Variants in FCRL4 observed in about 807,000 individuals in gnomAD.
FCRL4 encodes the protein Fc receptor like 4.
Under a neutral mutation model 64.1 loss-of-function variants are expected in FCRL4, and 43 were observed. The ratio of observed to expected loss-of-function variants is 0.67; its 90% CI spans 0.53 to 0.87. The LOEUF (loss-of-function observed/expected upper bound fraction) is 0.87. Among genes scored for constraint, FCRL4 ranks in the 40% least tolerant of loss-of-function variants. FCRL4 has a pLI of 0.00. For synonymous variants in FCRL4, 253 were observed against 239.8 expected (o/e 1.05, Z -0.51); for missense variants, 656 against 613.5 (o/e 1.07, Z -0.73).
At chr1:157,579,193 C>A (rs1034480725) in intron 8 of FCRL4, among the ~76,000 whole-genome samples, 4 of 151,928 alleles carry the variant, frequency 2.6e-5, no homozygotes, top group South Asian at 2.1e-4. Flanking sequence ...CATAGTGAGA[C>A]CTTGTCTCTA....
At chr1:157,596,378 C>T (rs1332297660) in intron 1 of FCRL4, 30 bp from the exon 2 acceptor site, 25 of 1,613,576 alleles carry the variant, frequency 1.5e-5, no homozygotes, top group Admixed American at 5.0e-5. Context: ...CAGCCATCAG[C>T]GTAGGCGAAG....
At chr1:157,596,413 G>A (rs958337337) in intron 1 of FCRL4, 65 bp from the exon 2 acceptor site, 5 of 1,563,286 alleles carry the variant, frequency 3.2e-6, no homozygotes, top group East Asian at 2.2e-5. Context: ...CACCCTGAGA[G>A]CCCATACACT....
chr1:157,595,258 A>G (rs1652934824), intron 2 of FCRL4, among the ~76,000 whole-genome samples: 1 of 152,196 alleles, frequency 6.6e-6, no homozygotes, highest in Non-Finnish European at 1.5e-5. Flanking sequence ...AGAATACTCT[A>G]TGTCATCAGT....
Position 157,586,238 on chromosome 1 carries a change from C to G in FCRL4, c.1065G>C (p.Gly355=), listed in dbSNP as rs1387826370. Residue 355 remains glycine, a synonymous_variant, in exon 6 of 12, where the codon GGG becomes GGC. Transcript: ENST00000271532. Reference sequence around the variant, plus strand: ...TGTTGTCTGCTGTACAGTAGTATCCCCCTGCATGGCTCTGTCTGATGGCAG... The same window carrying G: ...TGTTGTCTGCTGTACAGTAGTATCCGCCTGCATGGCTCTGTCTGATGGCAG... ...ELPAIRQSHA[G]GYYCTADNSY... 1.9e-6 allele frequency: 3 copies of G among 1,614,044 alleles called. No homozygotes were observed. The African/African-American group carries it at 4.0e-5, about 22-fold the overall frequency.
chr1:157,587,449 A>G lies in FCRL4; in HGVS notation c.674T>C (p.Leu225Pro). 1 of 1,614,236 alleles carries G rather than the reference A, an allele frequency of 6.2e-7. No individual in the cohort carries two copies. The highest frequency in any genetic ancestry group is 8.5e-7 in the Non-Finnish European group (1 of 1,180,038). The change falls in exon 5 of 12, where the codon CTT becomes CCT. Residue 225 changes from leucine (L) to proline (P), a missense_variant. Transcript: ENST00000271532. ...GCCATCTCTGAAGAAGTTGAAGTGAAGTGGGGTGTCTGACCGCTCTGGAGG... is the reference window on the plus strand; with the variant it reads ...GCCATCTCTGAAGAAGTTGAAGTGAGGTGGGGTGTCTGACCGCTCTGGAGG... Reference protein sequence around the residue: ...QLPPERSDTPLHFNFFRDGEV... With the variant: ...QLPPERSDTPPHFNFFRDGEV...
chr1:157,584,953 C>T (rs2101679919), intron 6 of FCRL4, among the ~76,000 whole-genome samples: 1 of 152,202 alleles, frequency 6.6e-6, no homozygotes, highest in African/African-American at 2.4e-5. Context: ...GGTTATGTCC[C>T]AGAAATTGAG....
At chr1:157,594,099 T>G (rs1652903043) in intron 2 of FCRL4, among the ~76,000 whole-genome samples, 1 of 152,188 alleles carries the variant, frequency 6.6e-6, no homozygotes, top group African/African-American at 2.4e-5. Flanking sequence ...CAAGACCTAT[T>G]AACGATTATG....
Position 157,597,914 on chromosome 1 carries a change from CA to C in FCRL4, c.30del (p.Phe10LeufsTer15), listed in dbSNP as rs1383578055. On this transcript the variant is annotated frameshift_variant and splice_region_variant, in exon 1 of 12. Transcript: ENST00000271532. LOFTEE classifies it high-confidence loss of function. Reference protein sequence around the residue: MLLWASLLAFAPVCGQSAAA... With the variant: MLLWASLLAXAPVCGQSAAA... ...CAAAGGTCTCCTCCCCATCACTTAC[CA>C]AAGGCCAGCAAGGACGCCCACAGCA... The C allele has an allele frequency of 6.2e-7, 1 of 1,613,074 alleles. No homozygotes were observed. The highest frequency in any genetic ancestry group is 1.3e-5 in the African/African-American group (1 of 74,896).
rs1411132693 is a variant in FCRL4, at chr1:157,586,327, C to T, written c.976G>A (p.Glu326Lys). ...CTCCCCAGACTCTCCTGCATGTCCT[C>T]TCGGTGCCAGGAGAATGTGGTATCC... ...TGDTTFSWHR[E>K]DMQESLGRKT... Residue 326 changes from glutamate to lysine, a missense_variant, in exon 6 of 12, where the codon GAG becomes AAG. By Grantham distance (56) the Glu-to-Lys change is moderately conservative. Coordinates refer to ENST00000271532, the MANE Select transcript of FCRL4 (RefSeq NM_031282.3). 6.2e-7 allele frequency: 1 copy of T among 1,613,952 alleles called. No individual in the cohort carries two copies. Among genetic ancestry groups the T allele is most frequent in the East Asian group, 2.2e-5 (1 of 44,876 alleles).
In FCRL4 at chr1:157,574,326, C is replaced by A. The variant is rs1481914134; in HGVS notation, c.*1198G>T. On this transcript the variant is annotated 3_prime_UTR_variant, in exon 12 of 12. Coordinates refer to ENST00000271532, the MANE Select transcript of FCRL4 (RefSeq NM_031282.3). Reference sequence around the variant, plus strand: ...GTTATTTAAACAAATTCCTTTTCTCCATGCATTTTCTATAAAACAAGTATT... The same window carrying A: ...GTTATTTAAACAAATTCCTTTTCTCAATGCATTTTCTATAAAACAAGTATT... 1 of 213,662 alleles carries A rather than the reference C, an allele frequency of 4.7e-6. No homozygotes were observed. The highest frequency in any genetic ancestry group is 9.5e-6 in the Non-Finnish European group (1 of 105,772). The allele number at this position is 213,662 out of a possible 1,614,324, so 13.2% of individuals were successfully genotyped here. A position where few individuals can be genotyped will look rare whatever the true frequency, so the allele number is the denominator to read the frequency against.
chr1:157,593,576 T>A (rs1175405586), intron 2 of FCRL4, among the ~76,000 whole-genome samples: 3 of 152,186 alleles, frequency 2.0e-5, no homozygotes, highest in African/African-American at 7.2e-5. Context: ...ATGGGCTGTA[T>A]CTAATTGGCT....
chr1:157,596,631 G>A (rs1032903292), intron 1 of FCRL4, among the ~76,000 whole-genome samples: 2 of 152,182 alleles, frequency 1.3e-5, no homozygotes, highest in Non-Finnish European at 2.9e-5. Flanking sequence ...CGACCTCATA[G>A]TAATACTGTA....
intron 2 of FCRL4, among the ~76,000 whole-genome samples, chr1:157,591,181 G>A (rs1652832545): frequency 6.6e-6 from 1 of 152,194 alleles, no homozygotes; most frequent in Admixed American, 6.5e-5. Context: ...GATAGGGTCT[G>A]TTCAGGTGTG....
intron 2 of FCRL4, among the ~76,000 whole-genome samples, chr1:157,589,726 A>G (rs1652794847): frequency 6.6e-6 from 1 of 152,208 alleles, no homozygotes; most frequent in Non-Finnish European, 1.5e-5. Flanking sequence ...GGAGGCTCAC[A>G]AACCCTCTTA....
chr1:157,580,942 T>C (rs1652544777), intron 7 of FCRL4, among the ~76,000 whole-genome samples: 2 of 152,212 alleles, frequency 1.3e-5, no homozygotes, highest in African/African-American at 4.8e-5. Flanking sequence ...AAGAAGTCTT[T>C]GGAAGCACGC....
chr1:157,577,277 T>C (rs1349808175), intron 10 of FCRL4, among the ~76,000 whole-genome samples: 2 of 152,176 alleles, frequency 1.3e-5, no homozygotes. Flanking sequence ...TCCCTGATAC[T>C]GGGATATAGA....
intron 2 of FCRL4, 102 bp from the exon 3 acceptor site, chr1:157,589,560 A>G (rs1245476274): frequency 7.0e-7 from 1 of 1,428,374 alleles, no homozygotes; most frequent in Non-Finnish European, 9.5e-7. Flanking sequence ...GGAGATCCCT[A>G]AGATGCCCCC....
chr1:157,575,738 C>G lies in FCRL4; in HGVS notation c.1430-8G>C. ...GTGTCCTGGAGGTATTAGCTGTGGA[C>G]AGAAAGAGAATCACTGGACTATGGG... is the stretch of plus-strand genomic sequence containing the variant. On this transcript the variant is annotated splice_polypyrimidine_tract_variant and splice_region_variant and intron_variant, in intron 10 of 11. Coordinates refer to ENST00000271532, the MANE Select transcript of FCRL4 (RefSeq NM_031282.3). 6.2e-7 allele frequency: 1 copy of G among 1,613,490 alleles called. No individual in the cohort carries two copies. The highest frequency in any genetic ancestry group is 8.5e-7 in the Non-Finnish European group (1 of 1,179,618).
chr1:157,592,627 C>T (rs1302742518), intron 2 of FCRL4, among the ~76,000 whole-genome samples: 1 of 152,212 alleles, frequency 6.6e-6, no homozygotes, highest in Non-Finnish European at 1.5e-5. Flanking sequence ...AAGGCTTTTA[C>T]ACTGTTGGTG....
Sources: allele counts gnomAD v4.1 joint callset (sites outside exome capture counted in the v4.1 genomes callset), GRCh38; gene constraint gnomAD v4.1.1; transcripts MANE v1.5; gene names NCBI Gene and HGNC (gene_info 2026-07-23, HGNC 2026-07-21).